The following MYO1D variants were observed in gnomAD, a reference collection of about 807,000 sequenced individuals.
MYO1D encodes unconventional myosin-Id.
A neutral mutation model predicts 122.0 loss-of-function variants in MYO1D; 83 were observed. That is an observed-to-expected ratio of 0.68 (90% confidence interval 0.57 to 0.82). The LOEUF is 0.82. Ranked by LOEUF, MYO1D falls within the 40% of genes least tolerant of loss-of-function variation. The probability of loss-of-function intolerance (pLI) is 0.00; values close to 1 mark genes in which losing one functional copy is unlikely to be tolerated. For missense variants in MYO1D, 1,157 were observed against 1,269.5 expected, an observed-to-expected ratio of 0.91 and a Z score of 1.35; for synonymous variants, 464 against 446.9, an observed-to-expected ratio of 1.04 and a Z score of -0.48.
intron 21 of MYO1D, among the ~76,000 whole-genome samples, chr17:32,530,567 G>T (rs567331472): frequency 3.3e-5 from 5 of 152,298 alleles, no homozygotes; most frequent in Non-Finnish European, 7.4e-5. Flanking sequence ...TTGGGAGGCC[G>T]AGGTGGGAGG....
chr17:32,809,838 T>C (rs144688770), intron 1 of MYO1D, among the ~76,000 whole-genome samples: 124 of 152,360 alleles, frequency 8.1e-4, no homozygotes, highest in African/African-American at 2.9e-3. Flanking sequence ...CATCATCTTA[T>C]TAGAAGGGGT....
intron 21 of MYO1D, among the ~76,000 whole-genome samples, chr17:32,565,239 G>A (rs1188476932): frequency 3.9e-5 from 6 of 152,146 alleles, no homozygotes. Flanking sequence ...TCTGACCTCA[G>A]GTGATCCTCC....
chr17:32,520,022 G>A (rs910578075), intron 21 of MYO1D, among the ~76,000 whole-genome samples: 8 of 152,088 alleles, frequency 5.3e-5, no homozygotes, highest in Non-Finnish European at 2.9e-5. Flanking sequence ...GCCCACAGGA[G>A]CCATACTGCA....
Position 32,659,310 on chromosome 17 carries a change from C to A in MYO1D, c.2150G>T (p.Arg717Leu). The A allele has an allele frequency of 6.2e-7, 1 of 1,614,108 alleles. No individual in the cohort carries two copies. Among genetic ancestry groups the A allele is most frequent in the Non-Finnish European group, 8.5e-7 (1 of 1,180,036 alleles). ...CAGAGCTGCCTTGGTTCTTTTGTACCGCATGCGGGCCAGGGTGCCCCGCCA... is the reference window on the plus strand; with the variant it reads ...CAGAGCTGCCTTGGTTCTTTTGTACAGCATGCGGGCCAGGGTGCCCCGCCA... ...KVWRGTLARMRYKRTKAALTI... is the reference protein window; with the variant it reads ...KVWRGTLARMLYKRTKAALTI... Residue 717 changes from arginine (R) to leucine (L), a missense_variant, in exon 17 of 22, where the codon CGG becomes CTG. By Grantham distance (102) the Arg-to-Leu change is moderately radical. Coordinates refer to ENST00000318217, the MANE Select transcript of MYO1D (RefSeq NM_015194.3).
chr17:32,631,383 G>T (rs895234283), intron 20 of MYO1D, among the ~76,000 whole-genome samples: 1 of 152,216 alleles, frequency 6.6e-6, no homozygotes, highest in Non-Finnish European at 1.5e-5. Flanking sequence ...GCTCATGCCT[G>T]TAATTCCAGC....
intron 1 of MYO1D, among the ~76,000 whole-genome samples, chr17:32,838,405 A>G (rs548197158): frequency 2.0e-5 from 3 of 152,290 alleles, no homozygotes; most frequent in African/African-American, 7.2e-5. Context: ...TCTTAGCCTT[A>G]TAATTATTTC....
chr17:32,626,105 G>A (rs1021968009), intron 20 of MYO1D, among the ~76,000 whole-genome samples: 1 of 152,220 alleles, frequency 6.6e-6, no homozygotes, highest in African/African-American at 2.4e-5. Flanking sequence ...CCGATGGACT[G>A]GTGGCTTCCC....
At chr17:32,817,373 A>C (rs2090621130) in intron 1 of MYO1D, among the ~76,000 whole-genome samples, 2 of 152,234 alleles carry the variant, frequency 1.3e-5, no homozygotes, top group African/African-American at 4.8e-5. Flanking sequence ...ATGGTTTAGC[A>C]ACAAAAAACT....
chr17:32,711,489 C>T (rs1048877655), intron 16 of MYO1D, among the ~76,000 whole-genome samples: 3 of 151,912 alleles, frequency 2.0e-5, no homozygotes, highest in Non-Finnish European at 2.9e-5. Flanking sequence ...CTACTAAAAA[C>T]ACAAAAATTA....
intron 16 of MYO1D, among the ~76,000 whole-genome samples, chr17:32,686,846 A>G (rs2089016464): frequency 6.6e-6 from 1 of 151,898 alleles, no homozygotes; most frequent in Admixed American, 6.6e-5. Flanking sequence ...AGCCTGGGTG[A>G]TAAGAGTGAG....
intron 13 of MYO1D, 43 bp from the exon 14 acceptor site, chr17:32,738,428 A>C: frequency 3.3e-6 from 5 of 1,521,928 alleles, no homozygotes; most frequent in Non-Finnish European, 4.4e-6. Context: ...ACATTCAAAT[A>C]AGCTGGATAA....
chr17:32,829,192 A>C (rs1303957092), intron 1 of MYO1D, among the ~76,000 whole-genome samples: 1 of 152,232 alleles, frequency 6.6e-6, no homozygotes, highest in East Asian at 1.9e-4. Context: ...GTATTAGAAC[A>C]GGGGAACTAG....
At chr17:32,629,389 G>A (rs2087972488) in intron 20 of MYO1D, among the ~76,000 whole-genome samples, 1 of 152,084 alleles carries the variant, frequency 6.6e-6, no homozygotes, top group African/African-American at 2.4e-5. Flanking sequence ...AAATTAGGAG[G>A]TTGGGGGGTT....
intron 1 of MYO1D, among the ~76,000 whole-genome samples, chr17:32,851,910 C>T (rs1454772512): frequency 6.6e-6 from 1 of 152,216 alleles, no homozygotes; most frequent in African/African-American, 2.4e-5. Context: ...GACCACCGTA[C>T]CGGTCAGGGG....
At chr17:32,732,238 A>G (rs1314755332) in intron 14 of MYO1D, among the ~76,000 whole-genome samples, 2 of 152,182 alleles carry the variant, frequency 1.3e-5, no homozygotes, top group Non-Finnish European at 2.9e-5. Context: ...CAGGAGGCAG[A>G]CAGGTGCCTG....
intron 21 of MYO1D, among the ~76,000 whole-genome samples, chr17:32,565,003 A>G (rs1412929923): frequency 6.8e-6 from 1 of 146,962 alleles, no homozygotes; most frequent in South Asian, 2.2e-4. Context: ...AGAAAAAGAA[A>G]ATACTTTTTT....
intron 21 of MYO1D, among the ~76,000 whole-genome samples, chr17:32,522,148 G>A (rs906514216): frequency 5.4e-5 from 8 of 147,696 alleles, no homozygotes; most frequent in African/African-American, 1.0e-4. Context: ...TATTCAGGTC[G>A]AATAAAATTT....
intron 21 of MYO1D, among the ~76,000 whole-genome samples, chr17:32,517,223 G>A (rs529191097): frequency 4.2e-4 from 64 of 152,320 alleles, no homozygotes; most frequent in African/African-American, 1.4e-3. Context: ...TCTGAAAAAT[G>A]GTTTGTGCCC....
chr17:32,869,487 G>C (rs1346766186), intron 1 of MYO1D, among the ~76,000 whole-genome samples: 1 of 152,222 alleles, frequency 6.6e-6, no homozygotes, highest in Non-Finnish European at 1.5e-5. Flanking sequence ...CCCCGACTTA[G>C]CAGTGGCTGG....
Sources: gnomAD v4.1 joint callset for allele counts (sites outside exome capture counted in the v4.1 genomes callset) on GRCh38, gnomAD v4.1.1 for gene constraint, MANE v1.5 for transcripts, NCBI Gene and HGNC (gene_info 2026-07-23, HGNC 2026-07-21) for gene names.